KIAA1958: variants seen among roughly 807,000 people sequenced by gnomAD.
KIAA1958 encodes KIAA1958, also known as uncharacterized protein KIAA1958.
Under a neutral mutation model 47.2 loss-of-function variants are expected in KIAA1958, and 14 were observed. The observed-to-expected ratio is 0.30, with a 90% confidence interval of 0.20 to 0.46. KIAA1958 has a LOEUF of 0.46. KIAA1958 is among the 20% of genes least tolerant of loss of function. The pLI is 1.00. For synonymous variants in KIAA1958, 354 were observed against 353.3 expected, an observed-to-expected ratio of 1.00 and a Z score of -0.02; for missense variants, 803 against 909.2, an observed-to-expected ratio of 0.88 and a Z score of 1.50.
At chr9:112,656,328 A>C (rs1412047808) in intron 3 of KIAA1958, among the ~76,000 whole-genome samples, 1 of 139,954 alleles carries the variant, frequency 7.1e-6, no homozygotes, top group Non-Finnish European at 1.5e-5. Context: ...AGCTGAGATC[A>C]TGCCTCTGCA....
At chr9:112,517,044 A>T (rs1381535544) in intron 1 of KIAA1958, among the ~76,000 whole-genome samples, 1 of 152,380 alleles carries the variant, frequency 6.6e-6, no homozygotes, top group African/African-American at 2.4e-5. Context: ...AGTGTGTTAC[A>T]GTCTGTTTAC....
intron 1 of KIAA1958, among the ~76,000 whole-genome samples, chr9:112,536,378 A>T (rs1299642275): frequency 3.9e-5 from 6 of 152,196 alleles, no homozygotes; most frequent in African/African-American, 1.4e-4. Context: ...TACTCAGCAG[A>T]CTTTTTCAAT....
intron 1 of KIAA1958, among the ~76,000 whole-genome samples, chr9:112,512,019 A>C (rs910071809): frequency 6.6e-6 from 1 of 152,214 alleles, no homozygotes; most frequent in Non-Finnish European, 1.5e-5. Context: ...ATAGAAATTG[A>C]ATTTGTAGTT....
At chr9:112,551,747 A>T (rs1044397871) in intron 1 of KIAA1958, among the ~76,000 whole-genome samples, 1 of 152,158 alleles carries the variant, frequency 6.6e-6, no homozygotes, top group African/African-American at 2.4e-5. Flanking sequence ...CAGTTCTTAG[A>T]GAGTTAATTC....
intron 2 of KIAA1958, among the ~76,000 whole-genome samples, chr9:112,596,545 A>G (rs1015146940): frequency 1.3e-5 from 2 of 152,186 alleles, no homozygotes; most frequent in Non-Finnish European, 2.9e-5. Context: ...CATATAGGAA[A>G]ATACCTAACT....
chr9:112,578,026 C>T (rs961589025), intron 2 of KIAA1958, among the ~76,000 whole-genome samples: 1 of 151,946 alleles, frequency 6.6e-6, no homozygotes, highest in Non-Finnish European at 1.5e-5. Context: ...GGATGGTCCT[C>T]ATATTTTGAT....
chr9:112,505,553 T>A (rs1396992109), intron 1 of KIAA1958, among the ~76,000 whole-genome samples: 1 of 152,234 alleles, frequency 6.6e-6, no homozygotes, highest in Non-Finnish European at 1.5e-5. Context: ...GAAGTCTATA[T>A]GTCTCTATTT....
intron 2 of KIAA1958, among the ~76,000 whole-genome samples, chr9:112,620,369 C>T (rs1207163444): frequency 1.3e-5 from 2 of 152,286 alleles, no homozygotes; most frequent in African/African-American, 4.8e-5. Context: ...TTCACATTAG[C>T]TAGAAAGGTA....
intron 1 of KIAA1958, among the ~76,000 whole-genome samples, chr9:112,493,848 C>G (rs1834011067): frequency 1.3e-5 from 2 of 152,164 alleles, no homozygotes; most frequent in African/African-American, 4.8e-5. Flanking sequence ...AAATGTTACT[C>G]TCTTGCAGGA....
intron 1 of KIAA1958, among the ~76,000 whole-genome samples, chr9:112,488,349 TTAGC>T (rs1833906434): frequency 6.6e-6 from 1 of 152,212 alleles, no homozygotes; most frequent in African/African-American, 2.4e-5. Context: ...TCTTATTTGA[TTAGC>T]TAGCTAAGTT....
chr9:112,577,015 C>T (rs1835657483), intron 2 of KIAA1958, among the ~76,000 whole-genome samples: 1 of 152,058 alleles, frequency 6.6e-6, no homozygotes, highest in Admixed American at 6.5e-5. Flanking sequence ...TGTTATTTTT[C>T]ATGTTTAAAA....
intron 2 of KIAA1958, chr9:112,581,720 C>T (rs752597832): frequency 2.3e-5 from 4 of 173,720 alleles, no homozygotes; most frequent in Admixed American, 5.9e-5. Context: ...GAACCCTGCT[C>T]ACAGGCCTGA....
chr9:112,498,761 C>T lies in KIAA1958; in HGVS notation c.-25+11643C>T, dbSNP rs117403970. ...TCCTTGTGTTGGGAACATTCAAAAT[C>T]CTCTCTTCTGGCCTTTTGAAAATAT... is the stretch of plus-strand genomic sequence containing the variant. On this transcript the variant is annotated intron_variant, in intron 1 of 3. Coordinates refer to ENST00000337530, the MANE Select transcript of KIAA1958 (RefSeq NM_133465.4). 2.0e-4 allele frequency among the ~76,000 whole-genome samples: 30 copies of T among 152,136 alleles called. No individual in the cohort carries two copies. In the East Asian group the frequency reaches 5.6e-3, roughly 28 times the overall value.
intron 2 of KIAA1958, among the ~76,000 whole-genome samples, chr9:112,642,861 G>T (rs1299996014): frequency 6.6e-6 from 1 of 152,134 alleles, no homozygotes; most frequent in Non-Finnish European, 1.5e-5. Context: ...AACCATATAT[G>T]TCATTTAATC....
At chr9:112,638,853 T>G (rs1449121891) in intron 2 of KIAA1958, among the ~76,000 whole-genome samples, 2 of 152,336 alleles carry the variant, frequency 1.3e-5, no homozygotes, top group East Asian at 3.9e-4. Flanking sequence ...GACCTTTCAG[T>G]TCACAAATCA....
intron 2 of KIAA1958, among the ~76,000 whole-genome samples, chr9:112,586,343 T>C (rs868511889): frequency 6.6e-6 from 1 of 152,222 alleles, no homozygotes; most frequent in Admixed American, 6.5e-5. Context: ...CCTAGCTGTA[T>C]TGAAATTGTA....
intron 1 of KIAA1958, among the ~76,000 whole-genome samples, chr9:112,518,180 A>C (rs1204958630): frequency 6.6e-6 from 1 of 152,190 alleles, no homozygotes; most frequent in Non-Finnish European, 1.5e-5. Flanking sequence ...TTGACTCTTA[A>C]AAAATTGAAA....
At chr9:112,525,086 A>G (rs575774600) in intron 1 of KIAA1958, among the ~76,000 whole-genome samples, 2 of 152,310 alleles carry the variant, frequency 1.3e-5, no homozygotes, top group East Asian at 3.9e-4. Flanking sequence ...TTGATTTACC[A>G]TCTTTGGACC....
At chr9:112,635,490 T>G (rs10981461) in intron 2 of KIAA1958, among the ~76,000 whole-genome samples, 2,599 of 152,192 alleles carry the variant, frequency 0.017, 67 homozygotes, top group African/African-American at 0.054. Flanking sequence ...CAGCTCAAGT[T>G]ATCCGCCTGC....
Sources: gnomAD v4.1 joint callset for allele counts (sites outside exome capture counted in the v4.1 genomes callset) on GRCh38, gnomAD v4.1.1 for gene constraint, MANE v1.5 for transcripts, NCBI Gene and HGNC (gene_info 2026-07-23, HGNC 2026-07-21) for gene names.